Variants in OTOA observed in about 807,000 individuals in gnomAD.
OTOA encodes otoancorin.
In OTOA, 70 loss-of-function variants were observed where a neutral mutation model predicts 110.8. The observed-to-expected ratio is 0.63, with a 90% confidence interval of 0.52 to 0.77. The LOEUF (loss-of-function observed/expected upper bound fraction) is 0.77, where lower values mean the gene tolerates loss of function less well. OTOA is among the 30% of genes least tolerant of loss of function. The pLI, the probability that OTOA is intolerant of heterozygous loss-of-function variation, is 0.00. For missense variants in OTOA, 917 were observed against 1,075.8 expected, an observed-to-expected ratio of 0.85 and a Z score of 2.06; for synonymous variants, 373 against 431.5, an observed-to-expected ratio of 0.86 and a Z score of 1.68.
At chr16:21,738,448 C>T (rs533908128) in intron 22 of OTOA, among the ~76,000 whole-genome samples, 17 of 108,550 alleles carry the variant, frequency 1.6e-4, no homozygotes, top group African/African-American at 4.3e-4. Flanking sequence ...CTTGTTCTCC[C>T]GTTTTTTTTT....
rs1053519576 is a variant in OTOA, at chr16:21,691,611, C to G, written c.663C>G (p.Asp221Glu). ...NLSAVFKDLY[D>E]KTSAHSQRAL... ...CTGCAGTGTTCAAAGATCTCTACGA[C>G]AAAACCTCGGCTCATTCCCAGAGAG... The change falls in exon 9 of 29, where the codon GAC becomes GAG. Residue 221 changes from aspartate to glutamate, a missense_variant. Transcript: ENST00000646100. The G allele has an allele frequency of 6.2e-7, 1 of 1,613,912 alleles. No individual in the cohort carries two copies. Among genetic ancestry groups the G allele is most frequent in the Non-Finnish European group, 8.5e-7 (1 of 1,179,878 alleles).
chr16:21,693,645 A>C (rs191975608), intron 9 of OTOA, among the ~76,000 whole-genome samples: 34 of 152,258 alleles, frequency 2.2e-4, no homozygotes, highest in Non-Finnish European at 4.6e-4. Flanking sequence ...GCAGTGGCAC[A>C]ATCTCGGCTC....
At chr16:21,703,158 T>C (rs1898085857) in intron 11 of OTOA, among the ~76,000 whole-genome samples, 1 of 152,138 alleles carries the variant, frequency 6.6e-6, no homozygotes, top group Non-Finnish European at 1.5e-5. Flanking sequence ...TTTTTGAGTA[T>C]ATGATACATT....
intron 6 of OTOA, chr16:21,684,365 C>T (rs1424717603): frequency 5.7e-6 from 8 of 1,409,104 alleles, no homozygotes; most frequent in Non-Finnish European, 7.5e-6. Context: ...GAGGAAATCT[C>T]TTTCAGGAGA....
At chr16:21,735,195 G>A (rs1454326299) in intron 21 of OTOA, among the ~76,000 whole-genome samples, 7 of 150,952 alleles carry the variant, frequency 4.6e-5, no homozygotes, top group Non-Finnish European at 8.8e-5. Context: ...TGGCTCTGCC[G>A]ACTGTACAGG....
rs1567373714 is a variant in OTOA, at chr16:21,697,778, A to T, written c.743A>T (p.Asp248Val). The change falls in exon 10 of 29, where the codon GAC becomes GTC. Residue 248 changes from aspartate (D) to valine (V), a missense_variant. This residue lies in a region of OTOA where 840 missense variants were observed against 910.2 expected (regional missense o/e 0.92). Coordinates refer to ENST00000646100, the MANE Select transcript of OTOA (RefSeq NM_144672.4). The part of the protein sequence containing the change: ...ILQTSSNATD[D>V]SASWVSAEHL... ...TTCATTTCTTTATTTTTTGTAGATG[A>T]CTCTGCTTCATGGGTCAGTGCGGAA... is the stretch of plus-strand genomic sequence containing the variant. 2 of 1,613,864 alleles carry T rather than the reference A, an allele frequency of 1.2e-6. No homozygotes were observed. The highest frequency in any genetic ancestry group is 4.5e-5 in the East Asian group (2 of 44,882).
intron 24 of OTOA, among the ~76,000 whole-genome samples, chr16:21,750,162 C>T (rs1225608444): frequency 2.6e-5 from 4 of 152,262 alleles, no homozygotes; most frequent in African/African-American, 2.4e-5. Flanking sequence ...TACCTGTAGT[C>T]CTAGAACTTT....
intron 17 of OTOA, among the ~76,000 whole-genome samples, chr16:21,720,781 C>T (rs1050543068): frequency 1.2e-4 from 18 of 152,148 alleles, no homozygotes; most frequent in Admixed American, 5.2e-4. Context: ...CCTACATGTT[C>T]GAGCAGGAAG....
intron 6 of OTOA, among the ~76,000 whole-genome samples, 200 bp downstream of exon 6, chr16:21,682,025 A>G (rs1247431715): frequency 6.6e-6 from 1 of 152,172 alleles, no homozygotes; most frequent in African/African-American, 2.4e-5. Flanking sequence ...TGATGGAGAC[A>G]TGGTATATTA....
intron 7 of OTOA, among the ~76,000 whole-genome samples, chr16:21,687,072 G>A (rs1897729715): frequency 6.6e-6 from 1 of 152,266 alleles, no homozygotes; most frequent in Non-Finnish European, 1.5e-5. Flanking sequence ...AAGTTGGAGG[G>A]ATCAGAGACT....
chr16:21,695,891 A>ATATATATATATATTTTT (rs569493650), intron 9 of OTOA, among the ~76,000 whole-genome samples: 13 of 41,892 alleles, frequency 3.1e-4, no homozygotes, highest in African/African-American at 1.6e-3. Context: ...ATATATATAT[A>ATATATATATATATTTTT]TTTTTTTTTT....
At chr16:21,678,632 TTGTGGTTTC>T (rs1408243166) in intron 2 of OTOA, 27 bp downstream of exon 2, 1 of 1,590,732 alleles carries the variant, frequency 6.3e-7, no homozygotes, top group Non-Finnish European at 8.6e-7. Flanking sequence ...GAATCACCCT[TTGTGGTTTC>T]CACACAGTTT....
intron 5 of OTOA, among the ~76,000 whole-genome samples, 191 bp from the exon 6 acceptor site, chr16:21,681,547 A>G (rs1411708500): frequency 6.6e-6 from 1 of 152,064 alleles, no homozygotes; most frequent in African/African-American, 2.4e-5. Flanking sequence ...CGCGCAACAG[A>G]GCAAGACCCT....
intron 1 of OTOA, among the ~76,000 whole-genome samples, chr16:21,672,554 C>T (rs1416855790): frequency 1.4e-5 from 2 of 147,060 alleles, no homozygotes; most frequent in African/African-American, 2.5e-5. Flanking sequence ...ACCTGGGAGG[C>T]GGAGGTTGCA....
rs1047721292 is a variant in OTOA, at chr16:21,735,154, A to G, written c.2302-1107A>G. On this transcript the variant is annotated intron_variant, in intron 21 of 28. Transcript: ENST00000646100. ...AGACTCTGAAAAAAAAAAAAAAAAA[A>G]AGAGACAAGAAAAGAGGATTGATTG... 8.0e-4 allele frequency among the ~76,000 whole-genome samples: 121 copies of G among 151,110 alleles called. 1 individual carries two copies. The highest frequency in any genetic ancestry group is 2.6e-3 in the African/African-American group (107 of 41,054).
At position 21,681,739 on chromosome 16, in the gene OTOA, T is replaced by G. The variant is rs369772866; in HGVS notation, c.181T>G (p.Ser61Ala). The G allele has an allele frequency of 3.7e-5, 60 of 1,613,320 alleles. 1 individual carries two copies. Among genetic ancestry groups the G allele is most frequent in the African/African-American group, 8.0e-5 (6 of 74,866 alleles). ...ALLDLIQFQS[S>A]HVWTDDLSHR... ...TTTCCTGTCTGTCTTCAACTGAAGC[T>G]CCCACGTGTGGACGGATGACCTGTC... The change falls in exon 6 of 29, where the codon TCC (serine) becomes GCC (alanine). Residue 61 changes from serine (S) to alanine (A), a missense_variant and splice_region_variant. Around this residue, in one of 6 missense-constraint regions of OTOA, gnomAD observed 840 missense variants for 910.2 expected, o/e 0.92. Transcript: ENST00000646100.
In OTOA at chr16:21,722,909, A is replaced by T; in HGVS notation, c.1811A>T (p.Asn604Ile). 1 of 1,614,052 alleles carries T rather than the reference A, an allele frequency of 6.2e-7. No homozygotes were observed. The highest frequency in any genetic ancestry group is 1.1e-5 in the South Asian group (1 of 91,084). Residue 604 changes from asparagine to isoleucine, a missense_variant, in exon 18 of 29, where the codon AAT becomes ATT. Physicochemically the swap from Asn to Ile is moderately radical, Grantham distance 149 (BLOSUM62 -3). This residue lies in a region of OTOA where 840 missense variants were observed against 910.2 expected (regional missense o/e 0.92). Transcript: ENST00000646100. Reference sequence around the variant, plus strand: ...CAGAACTGCTTAATCTTTCAGGTTAATTGTTTGGCGTGGAAATACTGGGAA... The same window carrying T: ...CAGAACTGCTTAATCTTTCAGGTTATTTGTTTGGCGTGGAAATACTGGGAA... Reference protein sequence around the residue: ...NFALLSPYQVNCLAWKYWEVS... With the variant: ...NFALLSPYQVICLAWKYWEVS...
At chr16:21,695,889 ATATTT>A (rs1897926718) in intron 9 of OTOA, among the ~76,000 whole-genome samples, 2 of 63,654 alleles carry the variant, frequency 3.1e-5, no homozygotes, top group East Asian at 3.8e-4. Flanking sequence ...ATATATATAT[ATATTT>A]TTTTTTTTTT....
chr16:21,694,689 G>C, intron 9 of OTOA, among the ~76,000 whole-genome samples: 1 of 152,184 alleles, frequency 6.6e-6, no homozygotes, highest in South Asian at 2.1e-4. Context: ...AAGGCCCTGA[G>C]ATGGGAATGA....
Sources: gnomAD v4.1 joint callset for allele counts (sites outside exome capture counted in the v4.1 genomes callset) on GRCh38, gnomAD v4.1.1 for gene constraint, gnomAD v4.1.1 regional missense constraint, MANE v1.5 for transcripts, NCBI Gene and HGNC (gene_info 2026-07-23, HGNC 2026-07-21) for gene names.